Variants in PRTN3 observed in about 807,000 individuals in gnomAD.
PRTN3 encodes the protein proteinase 3.
PRTN3 carries 22 observed loss-of-function variants against 20.7 expected under a neutral mutation model. The observed-to-expected ratio is 1.06, with a 90% CI of 0.76 to 1.52. The LOEUF (loss-of-function observed/expected upper bound fraction) is 1.52, where lower values mean the gene tolerates loss of function less well. Ranked by LOEUF, PRTN3 falls within the 40% of genes most tolerant of loss-of-function variation. The pLI, the probability that PRTN3 is intolerant of heterozygous loss-of-function variation, is 0.00. For missense variants in PRTN3, 378 were observed against 359.6 expected (o/e 1.05, Z -0.41); for synonymous variants, 173 against 152.9 (o/e 1.13, Z -0.97).
intron 4 of PRTN3, among the ~76,000 whole-genome samples, chr19:847,050 A>G (rs2035526285): frequency 6.6e-6 from 1 of 152,160 alleles, no homozygotes; most frequent in African/African-American, 2.4e-5. Context: ...TCACGCCTGT[A>G]ATCTCAGCAC....
rs1018488319 is a variant in PRTN3, at chr19:847,549, A to G, written c.601-250A>G. The stretch of plus-strand genomic sequence containing the variant: ...AGAGAAAGAAAGAAAGAAAGAAAGA[A>G]AAAGAAAGAGAGAGAGAGAGAGAGA... On this transcript the variant is annotated intron_variant, in intron 4 of 4. Coordinates refer to ENST00000234347, the MANE Select transcript of PRTN3 (RefSeq NM_002777.4). 3.7e-3 allele frequency among the ~76,000 whole-genome samples: 468 copies of G among 127,774 alleles called. 2 individuals are homozygous for G. Among genetic ancestry groups the G allele is most frequent in the African/African-American group, 0.014 (442 of 30,508 alleles). 83.8% of individuals were successfully genotyped at this position (127,774 alleles called of 152,430 possible).
intron 1 of PRTN3, among the ~76,000 whole-genome samples, chr19:842,413 A>ATTTTTTTTTTTTTTTTTTTTTTTTTTTT (rs34047197): frequency 2.5e-5 from 1 of 39,420 alleles, no homozygotes; most frequent in African/African-American, 1.5e-4. Context: ...TGCGCCCAGG[A>ATTTTTTTTTTTTTTTTTTTTTTTTTTTT]TTTTTTTTTT....
At chr19:847,673 CG>C in intron 4 of PRTN3, 125 bp from the exon 5 acceptor site, 1 of 1,197,844 alleles carries the variant, frequency 8.3e-7, no homozygotes, top group South Asian at 1.6e-5. Context: ...GGGGCCAGCC[CG>C]GGTGACTGGC....
At chr19:844,652 T>G (rs1297838945) in intron 3 of PRTN3, among the ~76,000 whole-genome samples, 1 of 150,400 alleles carries the variant, frequency 6.6e-6, no homozygotes, top group Non-Finnish European at 1.5e-5. Context: ...GATTCACTGT[T>G]CTCCACTGAA....
chr19:846,153 A>G lies in PRTN3; in HGVS notation c.376A>G (p.Ser126Gly), dbSNP rs752069137. 60 of 1,433,862 alleles carry G rather than the reference A, an allele frequency of 4.2e-5. No homozygotes were observed. The South Asian group carries it at 6.0e-4, about 14-fold the overall frequency. The allele number at this position is 1,433,862 out of a possible 1,614,324, so 88.8% of individuals were successfully genotyped here. A position where few individuals can be genotyped will look rare whatever the true frequency, so the allele number is the denominator to read the frequency against. Residue 126 changes from serine (S) to glycine (G), a missense_variant, in exon 4 of 5, where the codon AGC becomes GGC. By Grantham distance (56) the Ser-to-Gly change is moderately conservative (BLOSUM62 0). Transcript: ENST00000234347. Reference sequence around the variant, plus strand: ...CGCCTGCCTTCTGCCCCAGCTGAGCAGCCCAGCCAACCTCAGTGCCTCCGT... The same window carrying G: ...CGCCTGCCTTCTGCCCCAGCTGAGCGGCCCAGCCAACCTCAGTGCCTCCGT... ...LNDVLLIQLS[S>G]PANLSASVAT...
In PRTN3 at chr19:848,017, C is replaced by A. The variant is rs760775933; in HGVS notation, c.*48C>A. On this transcript the variant is annotated 3_prime_UTR_variant, in exon 5 of 5. Coordinates refer to ENST00000234347, the MANE Select transcript of PRTN3 (RefSeq NM_002777.4). ...CCGGGACCCCGAGCCTGGCTCCAAA[C>A]CCTCGAGGCGGATCTTTGGACAGAA... The A allele has an allele frequency of 6.5e-7, 1 of 1,549,360 alleles. No individual in the cohort carries two copies. The highest frequency in any genetic ancestry group is 8.7e-7 in the Non-Finnish European group (1 of 1,148,948).
chr19:843,279 T>C (rs987445914), intron 1 of PRTN3, 182 bp from the exon 2 acceptor site: 10 of 611,566 alleles, frequency 1.6e-5, no homozygotes, highest in Non-Finnish European at 2.5e-5. Context: ...CAGGGCGCCT[T>C]TGGAAATCGT....
chr19:847,579 G>GAA (rs2035535789), intron 4 of PRTN3, among the ~76,000 whole-genome samples: 6 of 143,714 alleles, frequency 4.2e-5, no homozygotes, highest in East Asian at 4.0e-4. Context: ...GAGAGAGAGA[G>GAA]AGAAAGAAAG....
At chr19:846,448 C>T (rs994983210) in intron 4 of PRTN3, 71 bp downstream of exon 4, 28 of 1,414,618 alleles carry the variant, frequency 2.0e-5, no homozygotes, top group East Asian at 1.0e-4. Context: ...CAGGGTTCCA[C>T]GCCACCTCTT....
chr19:844,966 T>TTC (rs71174327), intron 3 of PRTN3, among the ~76,000 whole-genome samples: 2 of 149,624 alleles, frequency 1.3e-5, no homozygotes, highest in Non-Finnish European at 3.0e-5. Context: ...TTTTTTTTTT[T>TTC]AGACAGAGTC....
intron 1 of PRTN3, 128 bp from the exon 2 acceptor site, chr19:843,333 C>A: frequency 9.5e-7 from 1 of 1,048,772 alleles, no homozygotes; most frequent in Non-Finnish European, 1.3e-6. Context: ...TCCTTCCCAC[C>A]AGCCAGCAGG....
chr19:846,066 G>A, intron 3 of PRTN3, 81 bp from the exon 4 acceptor site: 1 of 1,070,102 alleles, frequency 9.3e-7, no homozygotes, highest in Non-Finnish European at 1.3e-6. Context: ...TGGTGGGTGT[G>A]GTGGGTGTGG....
At chr19:842,586 A>ATTTTTTTTTT (rs71174326) in intron 1 of PRTN3, among the ~76,000 whole-genome samples, 1,564 of 65,354 alleles carry the variant, frequency 0.024, 256 homozygotes, top group African/African-American at 0.065. Flanking sequence ...CACCTGGCTA[A>ATTTTTTTTTT]TTTTTTTTTT....
In PRTN3 at chr19:847,855, C is replaced by T. The variant is rs371774896; in HGVS notation, c.657C>T (p.Phe219=). The change falls in exon 5 of 5, where the codon TTC becomes TTT. Residue 219 remains phenylalanine, a synonymous_variant. Transcript: ENST00000234347. ...CDGIIQGIDS[F]VIWGCATRLF... is the part of the protein sequence containing the mutation. ...GCATCATCCAAGGAATAGACTCCTT[C>T]GTGATCTGGGGATGTGCCACCCGCC... 6.7e-5 allele frequency: 107 copies of T among 1,608,612 alleles called. No individual in the cohort carries two copies. Among genetic ancestry groups the T allele is most frequent in the Non-Finnish European group, 8.6e-5 (101 of 1,177,318 alleles).
rs1157196112 is a variant in PRTN3 at position 841,820 on chromosome 19, C to T, written c.61+751C>T. Among the ~76,000 whole-genome samples the T allele has an allele frequency of 2.8e-5, 4 of 141,870 alleles. No homozygotes were observed. The East Asian group carries it at 6.1e-4, about 22-fold the overall frequency. The allele number at this position is 141,870 out of a possible 152,430, so 93.1% of individuals were successfully genotyped here. A position where few individuals can be genotyped will look rare whatever the true frequency, so the allele number is the denominator to read the frequency against. ...TCGGCTCACTGCAAGCTCAGCCTCC[C>T]GGGTTCACGCCTTTCTCCTGCCTCA... On this transcript the variant is annotated intron_variant, in intron 1 of 4. Transcript: ENST00000234347.
At chr19:846,919 T>G (rs2035525098) in intron 4 of PRTN3, among the ~76,000 whole-genome samples, 1 of 152,142 alleles carries the variant, frequency 6.6e-6, no homozygotes, top group Admixed American at 6.5e-5. Flanking sequence ...ATTTTTTTGG[T>G]ATTTTTAGTA....
chr19:847,915 C>A lies in PRTN3; in HGVS notation c.717C>A (p.Tyr239Ter). 2 of 1,608,168 alleles carry A rather than the reference C, an allele frequency of 1.2e-6. No homozygotes were observed. Among genetic ancestry groups the A allele is most frequent in the South Asian group, 1.1e-5 (1 of 89,866 alleles). The change falls in exon 5 of 5, where the codon TAC (tyrosine) becomes TAA (stop). Residue 239 changes from tyrosine to a stop codon, truncating the protein, a stop_gained. Transcript: ENST00000234347. LOFTEE classifies it low-confidence loss of function (END_TRUNC). Reference sequence around the variant, plus strand: ...ACTTCTTCACGCGGGTAGCCCTCTACGTGGACTGGATCCGTTCCACGCTGC... The same window carrying A: ...ACTTCTTCACGCGGGTAGCCCTCTAAGTGGACTGGATCCGTTCCACGCTGC... Reference protein sequence around the residue: ...FPDFFTRVALYVDWIRSTLRR... With the variant: ...FPDFFTRVAL
chr19:842,413 ATTT>A (rs34047197), intron 1 of PRTN3, among the ~76,000 whole-genome samples: 31 of 39,416 alleles, frequency 7.9e-4, no homozygotes, highest in African/African-American at 1.5e-3. Flanking sequence ...TGCGCCCAGG[ATTT>A]TTTTTTTTTT....
rs1438433355 is a variant in PRTN3 at position 846,395 on chromosome 19, C to T, written c.600+18C>T. The stretch of plus-strand genomic sequence containing the variant: ...TCTGCTTCGTAAGTAACCGTGCCCC[C>T]ACCCCGGGCACCGGGCTGCCATGAG... On this transcript the variant is annotated intron_variant, in intron 4 of 4. Transcript: ENST00000234347. The T allele has an allele frequency of 2.6e-6, 4 of 1,544,740 alleles. No individual in the cohort carries two copies. The African/African-American group carries it at 4.1e-5, about 16-fold the overall frequency.
Sources: allele counts gnomAD v4.1 joint callset (sites outside exome capture counted in the v4.1 genomes callset), GRCh38; gene constraint gnomAD v4.1.1; transcripts MANE v1.5; gene names NCBI Gene and HGNC (gene_info 2026-07-23, HGNC 2026-07-21).